The following WDR64 variants were observed in gnomAD, a reference collection of about 807,000 sequenced individuals.
WDR64 encodes the protein WD repeat-containing protein 64.
In WDR64, 112 loss-of-function variants were observed where a neutral mutation model predicts 139.3. The observed-to-expected ratio is 0.80, with a 90% confidence interval of 0.69 to 0.94. WDR64 has a LOEUF of 0.94. Ranked by LOEUF, WDR64 falls within the 40% of genes least tolerant of loss-of-function variation. WDR64 has a pLI of 0.00. For missense variants in WDR64, 1,206 were observed against 1,293.1 expected, an observed-to-expected ratio of 0.93 and a Z score of 1.03; for synonymous variants, 444 against 437.7, an observed-to-expected ratio of 1.01 and a Z score of -0.18.
At chr1:241,741,441 A>G in intron 11 of WDR64, 75 bp from the exon 12 acceptor site, 1 of 1,405,518 alleles carries the variant, frequency 7.1e-7, no homozygotes, top group Non-Finnish European at 9.5e-7. Context: ...TCCAAACCCA[A>G]CTGCTTGGCT....
intron 6 of WDR64, among the ~76,000 whole-genome samples, chr1:241,680,530 T>G (rs1218704336): frequency 6.6e-6 from 1 of 152,172 alleles, no homozygotes; most frequent in Non-Finnish European, 1.5e-5. Context: ...TGCTTTTCAA[T>G]CCCATAGAAG....
At chr1:241,683,747 C>A in intron 7 of WDR64, 46 bp downstream of exon 7, 2 of 1,372,078 alleles carry the variant, frequency 1.5e-6, no homozygotes, top group South Asian at 1.6e-5. Context: ...TAATTATAGT[C>A]TTTTGCAAGT....
Position 241,679,519 on chromosome 1 carries a change from T to A in WDR64, c.548T>A (p.Leu183Ter). The A allele has an allele frequency of 6.4e-7, 1 of 1,551,806 alleles. No individual in the cohort carries two copies. Among genetic ancestry groups the A allele is most frequent in the East Asian group, 2.4e-5 (1 of 40,914 alleles). The change falls in exon 6 of 28, where the codon TTG (leucine) becomes TAG (stop). Residue 183 changes from leucine (L) to a stop codon, truncating the protein, a stop_gained. Transcript: ENST00000437684. LOFTEE classifies it high-confidence loss of function. ...TSWITGCDYL[L>*]QLKRIVATTE... ...TGGATTACAGGGTGTGATTACCTCTTGCAGCTGAAACGAATCGTAGCCACA... is the reference window on the plus strand; with the variant it reads ...TGGATTACAGGGTGTGATTACCTCTAGCAGCTGAAACGAATCGTAGCCACA...
chr1:241,723,744 G>T (rs1168820114), intron 10 of WDR64, among the ~76,000 whole-genome samples: 1 of 144,774 alleles, frequency 6.9e-6, no homozygotes, highest in Non-Finnish European at 1.5e-5. Context: ...AAAAAATGAG[G>T]ATTTCTGTTA....
intron 23 of WDR64, among the ~76,000 whole-genome samples, chr1:241,785,667 T>G (rs947986566): frequency 1.3e-5 from 2 of 152,232 alleles, no homozygotes; most frequent in African/African-American, 4.8e-5. Flanking sequence ...AATAGCTACC[T>G]CAGAACACAA....
intron 12 of WDR64, among the ~76,000 whole-genome samples, chr1:241,742,471 G>A (rs1216420653): frequency 1.3e-5 from 2 of 152,146 alleles, no homozygotes; most frequent in East Asian, 3.9e-4. Context: ...CCAAAACCAA[G>A]ATGGCGACGA....
intron 19 of WDR64, among the ~76,000 whole-genome samples, chr1:241,772,123 C>G (rs1658477664): frequency 6.7e-6 from 1 of 149,150 alleles, no homozygotes; most frequent in South Asian, 2.1e-4. Context: ...TTCTTAGTCT[C>G]TAGCCATTTT....
At chr1:241,769,292 A>G in intron 16 of WDR64, 112 bp from the exon 17 acceptor site, 2 of 798,800 alleles carry the variant, frequency 2.5e-6, no homozygotes, top group Non-Finnish European at 3.9e-6. Context: ...TTCATGTTCA[A>G]TAATATTAGC....
At position 241,769,561 on chromosome 1, in the gene WDR64, A is replaced by G. The variant is rs190232913; in HGVS notation, c.2183+56A>G. ...TGTCTGGGACTTAGGTGGCTGATACATTAGGTTGATGCAAAATTAATTGTG... is the reference window on the plus strand; with the variant it reads ...TGTCTGGGACTTAGGTGGCTGATACGTTAGGTTGATGCAAAATTAATTGTG... On this transcript the variant is annotated intron_variant, in intron 17 of 27. Coordinates refer to ENST00000437684, the MANE Select transcript of WDR64 (RefSeq NM_001367482.1). The G allele has an allele frequency of 7.0e-6, 10 of 1,419,150 alleles. No individual in the cohort carries two copies. In the East Asian group the frequency reaches 2.0e-4, roughly 28 times the overall value. The allele number at this position is 1,419,150 out of a possible 1,614,324, so 87.9% of individuals were successfully genotyped here.
At chr1:241,749,248 TAAC>T (rs1305186084) in intron 13 of WDR64, among the ~76,000 whole-genome samples, 1 of 152,140 alleles carries the variant, frequency 6.6e-6, no homozygotes, top group African/African-American at 2.4e-5. Context: ...GTTGGGAGAA[TAAC>T]AACAGAAGAG....
chr1:241,775,607 G>A (rs1658630896), intron 21 of WDR64, among the ~76,000 whole-genome samples: 1 of 152,044 alleles, frequency 6.6e-6, no homozygotes, highest in Admixed American at 6.6e-5. Flanking sequence ...TTTCTCAGTA[G>A]GGGACTTTAT....
Position 241,656,893 on chromosome 1 carries a change from T to C in WDR64, c.146-3637T>C, listed in dbSNP as rs1160621722. On this transcript the variant is annotated intron_variant, in intron 1 of 27. Transcript: ENST00000437684. The surrounding 1 kb of genome is among the most constrained non-coding windows in gnomAD (Gnocchi z 4.3). ...TGTTGTGTGTGTGTGTGTGTGTGTGTGTGTGTGTGTGTGTGTGTCTGTCTG... is the reference window on the plus strand; with the variant it reads ...TGTTGTGTGTGTGTGTGTGTGTGTGCGTGTGTGTGTGTGTGTGTCTGTCTG... Among the ~76,000 whole-genome samples, 1 of 151,266 alleles carries C rather than the reference T, an allele frequency of 6.6e-6. No individual in the cohort carries two copies. Among genetic ancestry groups the C allele is most frequent in the Non-Finnish European group, 1.5e-5 (1 of 67,910 alleles).
intron 1 of WDR64, among the ~76,000 whole-genome samples, chr1:241,653,268 C>T (rs1293458568): frequency 2.0e-5 from 3 of 152,170 alleles, no homozygotes; most frequent in African/African-American, 4.8e-5. Context: ...GAAAGACTAA[C>T]AGAACAAACC....
At chr1:241,670,776 A>G (rs1159894522) in intron 2 of WDR64, among the ~76,000 whole-genome samples, 1 of 152,130 alleles carries the variant, frequency 6.6e-6, no homozygotes, top group African/African-American at 2.4e-5. Flanking sequence ...TCTAGATTGC[A>G]TGCTCCTTAT....
intron 6 of WDR64, among the ~76,000 whole-genome samples, chr1:241,682,922 T>C (rs1422094296): frequency 6.6e-6 from 1 of 152,176 alleles, no homozygotes; most frequent in Non-Finnish European, 1.5e-5. Flanking sequence ...CAGAAGGAAA[T>C]ATATAGATAA....
chr1:241,748,602 C>T (rs552907995), intron 13 of WDR64, among the ~76,000 whole-genome samples: 1 of 152,066 alleles, frequency 6.6e-6, no homozygotes, highest in Non-Finnish European at 1.5e-5. Flanking sequence ...AACACCATCA[C>T]GTTGAGGTTT....
At chr1:241,797,048 G>A (rs988708858) in intron 27 of WDR64, among the ~76,000 whole-genome samples, 1 of 152,174 alleles carries the variant, frequency 6.6e-6, no homozygotes, top group Non-Finnish European at 1.5e-5. Context: ...GTAAAGCCAT[G>A]AGGTCAGTTT....
At chr1:241,769,890 T>C (rs1311087610) in intron 17 of WDR64, among the ~76,000 whole-genome samples, 2 of 152,258 alleles carry the variant, frequency 1.3e-5, no homozygotes, top group Non-Finnish European at 2.9e-5. Context: ...TGGAAGGTCA[T>C]ATGGCAGGAG....
intron 15 of WDR64, among the ~76,000 whole-genome samples, chr1:241,761,764 C>G (rs948600695): frequency 2.6e-5 from 4 of 152,138 alleles, no homozygotes; most frequent in African/African-American, 9.7e-5. Flanking sequence ...GTTGTCATTT[C>G]AGCAATGTTC....
Sources: gnomAD v4.1 joint callset for allele counts (sites outside exome capture counted in the v4.1 genomes callset) on GRCh38, gnomAD v4.1.1 for gene constraint, Gnocchi (gnomAD v3.1) non-coding constraint, MANE v1.5 for transcripts, NCBI Gene and HGNC (gene_info 2026-07-23, HGNC 2026-07-21) for gene names.